Variants in POU2F3 observed in about 807,000 individuals in gnomAD.
The protein encoded by POU2F3 is POU class 2 homeobox 3.
In POU2F3, 23 loss-of-function variants were observed where a neutral mutation model predicts 59.2. The ratio of observed to expected loss-of-function variants is 0.39; its 90% CI spans 0.28 to 0.55. The LOEUF (loss-of-function observed/expected upper bound fraction) is 0.55, where lower values mean the gene tolerates loss of function less well. Ranked by LOEUF, POU2F3 falls within the 20% of genes least tolerant of loss-of-function variation. POU2F3 has a pLI of 0.66. For missense variants in POU2F3, 473 were observed against 544.5 expected, an observed-to-expected ratio of 0.87 and a Z score of 1.31; for synonymous variants, 190 against 214.6, an observed-to-expected ratio of 0.89 and a Z score of 1.00.
intron 8 of POU2F3, 61 bp downstream of exon 8, chr11:120,305,846 A>T: frequency 6.3e-7 from 1 of 1,589,292 alleles, no homozygotes; most frequent in Non-Finnish European, 8.6e-7. Context: ...AGGGCCAGTG[A>T]CTTGTCGTGT....
At chr11:120,281,669 A>G (rs1460235569) in intron 3 of POU2F3, among the ~76,000 whole-genome samples, 1 of 151,516 alleles carries the variant, frequency 6.6e-6, no homozygotes, top group East Asian at 1.9e-4. Context: ...ATCTACTCAT[A>G]TTTCCTCCCG....
chr11:120,277,997 T>C (rs1940405265), intron 3 of POU2F3, among the ~76,000 whole-genome samples: 1 of 152,166 alleles, frequency 6.6e-6, no homozygotes, highest in Non-Finnish European at 1.5e-5. Context: ...TCCTGGCTGC[T>C]CAAAAGCCAC....
intron 2 of POU2F3, 127 bp from the exon 3 acceptor site, chr11:120,269,083 C>T: frequency 1.5e-6 from 1 of 661,564 alleles, no homozygotes; most frequent in Non-Finnish European, 2.5e-6. Flanking sequence ...GGATCCCAAC[C>T]ACAAGCGAAG....
intron 1 of POU2F3, among the ~76,000 whole-genome samples, chr11:120,240,692 G>T (rs973947926): frequency 2.0e-5 from 3 of 152,192 alleles, no homozygotes; most frequent in African/African-American, 7.2e-5. Flanking sequence ...AGGTTGCAGG[G>T]ATGGGTGGTT....
chr11:120,310,214 G>A (rs1011470166), intron 10 of POU2F3, among the ~76,000 whole-genome samples: 5 of 152,332 alleles, frequency 3.3e-5, no homozygotes, highest in Non-Finnish European at 7.3e-5. Flanking sequence ...AGCCATGGAG[G>A]TGAGGAGGAG....
intron 1 of POU2F3, among the ~76,000 whole-genome samples, chr11:120,243,381 C>T (rs1019649122): frequency 6.6e-6 from 1 of 151,906 alleles, no homozygotes; most frequent in Non-Finnish European, 1.5e-5. Flanking sequence ...TGCTTCCTCT[C>T]GAGCTTTCTT....
chr11:120,306,601 T>G (rs1215039423), intron 8 of POU2F3, among the ~76,000 whole-genome samples: 4 of 150,424 alleles, frequency 2.7e-5, no homozygotes, highest in African/African-American at 9.7e-5. Flanking sequence ...GGAGTGGTGG[T>G]GATGCAGAGT....
At chr11:120,268,855 G>A (rs1052675868) in intron 2 of POU2F3, among the ~76,000 whole-genome samples, 15 of 152,144 alleles carry the variant, frequency 9.9e-5, no homozygotes, top group African/African-American at 2.4e-5. Flanking sequence ...GTCCCTGGAG[G>A]GATGTAGCAG....
chr11:120,303,097 G>A (rs902907520), intron 6 of POU2F3: 8 of 152,260 alleles, frequency 5.3e-5, no homozygotes, highest in Non-Finnish European at 1.2e-4. Flanking sequence ...GGGCAGAATG[G>A]TTGGGAATGA....
rs1301737200 is a variant in POU2F3, at chr11:120,298,274, G to A, written c.142G>A (p.Glu48Lys). The A allele has an allele frequency of 2.5e-6, 4 of 1,612,462 alleles. No homozygotes were observed. Among genetic ancestry groups the A allele is most frequent in the Middle Eastern group, 1.7e-4 (1 of 6,054 alleles). ...TTGCTTCCACTTGCAGATTAAAACCGAAGATCTCAGTGACTCCCTGCAGCA... is the reference window on the plus strand; with the variant it reads ...TTGCTTCCACTTGCAGATTAAAACCAAAGATCTCAGTGACTCCCTGCAGCA... Reference protein sequence around the residue: ...GLDFNRQIKTEDLSDSLQQTL... With the variant: ...GLDFNRQIKTKDLSDSLQQTL... Residue 48 changes from glutamate (E) to lysine (K), a missense_variant, in exon 4 of 13, where the codon GAA (glutamate) becomes AAA (lysine). Physicochemically the swap from Glu to Lys is moderately conservative, Grantham distance 56 (BLOSUM62 1). Coordinates refer to ENST00000543440, the MANE Select transcript of POU2F3 (RefSeq NM_014352.4).
chr11:120,259,379 G>A (rs1350283745), intron 2 of POU2F3: 4 of 152,208 alleles, frequency 2.6e-5, no homozygotes, highest in Non-Finnish European at 4.4e-5. Context: ...CACCTCTAGT[G>A]GTCGGTGAGC....
At chr11:120,271,174 C>T (rs966350713) in intron 3 of POU2F3, among the ~76,000 whole-genome samples, 1 of 152,166 alleles carries the variant, frequency 6.6e-6, no homozygotes, top group Non-Finnish European at 1.5e-5. Flanking sequence ...CCTCCCTTTA[C>T]ACCTGAGAAC....
At chr11:120,261,074 A>C (rs1054496743) in intron 2 of POU2F3, among the ~76,000 whole-genome samples, 1 of 152,062 alleles carries the variant, frequency 6.6e-6, no homozygotes, top group East Asian at 1.9e-4. Context: ...TCAAAAAAAC[A>C]GAAAAGATTC....
chr11:120,256,868 T>G (rs1591381735), intron 2 of POU2F3: 1 of 152,240 alleles, frequency 6.6e-6, no homozygotes, highest in East Asian at 1.9e-4. Context: ...CATTTGGAGA[T>G]AACATGGTGT....
chr11:120,311,382 G>A (rs535472668), intron 10 of POU2F3, among the ~76,000 whole-genome samples: 1 of 152,058 alleles, frequency 6.6e-6, no homozygotes, highest in Non-Finnish European at 1.5e-5. Context: ...AAAGACTGAG[G>A]GCAAAGCAAC....
chr11:120,302,488 C>T, intron 6 of POU2F3, 120 bp downstream of exon 6: 1 of 882,666 alleles, frequency 1.1e-6, no homozygotes, highest in South Asian at 1.9e-5. Flanking sequence ...GAGGGGATAG[C>T]AGGGAACTAT....
rs572118437 is a variant in POU2F3, at chr11:120,313,519, G to A, written c.1069-1842G>A. ...CATTGAGACAGTCCCTTGGGACTAG[G>A]ACATAGTTTCTTCTGCTTCTGGAAT... On this transcript the variant is annotated intron_variant, in intron 10 of 12. Transcript: ENST00000543440. Among the ~76,000 whole-genome samples the A allele has an allele frequency of 2.4e-3, 367 of 152,316 alleles. 1 individual carries two copies. The highest frequency in any genetic ancestry group is 3.3e-3 in the Non-Finnish European group (225 of 68,034).
chr11:120,292,353 A>C (rs901194824), intron 3 of POU2F3, among the ~76,000 whole-genome samples: 1 of 145,682 alleles, frequency 6.9e-6, no homozygotes, highest in Non-Finnish European at 1.5e-5. Context: ...ATATGTTAAA[A>C]AACAAAAAAA....
rs534904647 is a variant in POU2F3 at position 120,296,093 on chromosome 11, C to T, written c.133-2172C>T. On this transcript the variant is annotated intron_variant, in intron 3 of 12. Transcript: ENST00000543440. ...GGGAGAAAAATCATGGACTATCATA[C>T]AATAGACGGGGAAATTGAGTCCCAT... Among the ~76,000 whole-genome samples, 3 of 152,246 alleles carry T rather than the reference C, an allele frequency of 2.0e-5. No homozygotes were observed. In the South Asian group the frequency reaches 6.2e-4, roughly 32 times the overall value.
Sources: allele counts gnomAD v4.1 joint callset (sites outside exome capture counted in the v4.1 genomes callset), GRCh38; gene constraint gnomAD v4.1.1; transcripts MANE v1.5; gene names NCBI Gene and HGNC (gene_info 2026-07-23, HGNC 2026-07-21).